SCP2: variants seen among roughly 807,000 people sequenced by gnomAD.
SCP2 encodes SCP-2/3-oxoacyl-CoA thiolase.
SCP2 carries 48 observed loss-of-function variants against 71.4 expected under a neutral mutation model. That is an observed-to-expected ratio of 0.67 (90% CI 0.53 to 0.86). The LOEUF is 0.86. SCP2 is among the 40% of genes least tolerant of loss of function. The probability of loss-of-function intolerance (pLI) is 0.00; values close to 1 mark genes in which losing one functional copy is unlikely to be tolerated. For missense variants in SCP2, 560 were observed against 655.6 expected (o/e 0.85, Z 1.59); for synonymous variants, 220 against 218.1 (o/e 1.01, Z -0.08).
chr1:52,927,345 C>A lies in SCP2; in HGVS notation c.-52C>A. Reference sequence around the variant, plus strand: ...GAGCTCTGGTGCAGTCTCCGCCTGTCAGTGCCGGCAGTCGTCCGCGGCGCC... The same window carrying A: ...GAGCTCTGGTGCAGTCTCCGCCTGTAAGTGCCGGCAGTCGTCCGCGGCGCC... On this transcript the variant is annotated 5_prime_UTR_variant, in exon 1 of 16. Transcript: ENST00000371514. 2 of 1,455,962 alleles carry A rather than the reference C, an allele frequency of 1.4e-6. No homozygotes were observed. Among genetic ancestry groups the A allele is most frequent in the Non-Finnish European group, 9.4e-7 (1 of 1,061,990 alleles). The allele number at this position is 1,455,962 out of a possible 1,614,324, so 90.2% of individuals were successfully genotyped here.
In SCP2 at chr1:52,939,918, C is replaced by T. The variant is rs1418992533; in HGVS notation, c.70-1878C>T. On this transcript the variant is annotated intron_variant, in intron 1 of 15. Coordinates refer to ENST00000371514, the MANE Select transcript of SCP2 (RefSeq NM_002979.5). ...TTCCTGACCTCAAATGATCCACCCA[C>T]CTCGGCTTCCTAAAGTGCTGGGATT... is the stretch of plus-strand genomic sequence containing the variant. Among the ~76,000 whole-genome samples the T allele has an allele frequency of 5.9e-5, 9 of 152,256 alleles. 1 individual carries two copies. The East Asian group carries it at 1.4e-3, about 23-fold the overall frequency.
intron 12 of SCP2, among the ~76,000 whole-genome samples, chr1:53,021,593 TA>T (rs1453104527): frequency 6.6e-6 from 1 of 151,568 alleles, no homozygotes; most frequent in Non-Finnish European, 1.5e-5. Context: ...GTGCTGGGAT[TA>T]CAGGCATGAG....
Position 52,950,778 on chromosome 1 carries a change from G to A in SCP2, c.223G>A (p.Ala75Thr). ...AGGTGACTCTACCTGTGGGCAGAGG[G>A]CTATCTATCACAGTTTGGGAATGAC... ...VFGDSTCGQRAIYHSLGMTGI... is the reference protein window; with the variant it reads ...VFGDSTCGQRTIYHSLGMTGI... The change falls in exon 4 of 16, where the codon GCT becomes ACT. Residue 75 changes from alanine to threonine, a missense_variant. Ala to Thr is a moderately conservative substitution (Grantham distance 58). Around this residue, in one of 3 missense-constraint regions of SCP2, gnomAD observed 513 missense variants for 573.1 expected, o/e 0.90. Transcript: ENST00000371514. The A allele has an allele frequency of 6.2e-7, 1 of 1,613,586 alleles. No individual in the cohort carries two copies. Among genetic ancestry groups the A allele is most frequent in the Non-Finnish European group, 8.5e-7 (1 of 1,179,598 alleles).
intron 13 of SCP2, among the ~76,000 whole-genome samples, chr1:53,035,741 C>T (rs1470860183): frequency 6.6e-6 from 1 of 152,144 alleles, no homozygotes; most frequent in Non-Finnish European, 1.5e-5. Flanking sequence ...CAACAAGATG[C>T]TAACATTCAT....
chr1:52,944,330 T>C (rs984545263), intron 2 of SCP2, among the ~76,000 whole-genome samples: 5 of 152,214 alleles, frequency 3.3e-5, no homozygotes, highest in African/African-American at 1.2e-4. Context: ...TTTTTTGTTT[T>C]CTTTTTTCTC....
chr1:52,951,051 G>T (rs539521159), intron 4 of SCP2, among the ~76,000 whole-genome samples, 165 bp downstream of exon 4: 16 of 152,180 alleles, frequency 1.1e-4, no homozygotes, highest in African/African-American at 3.1e-4. Context: ...GAGGCCGAGG[G>T]GGGTGGATTG....
intron 2 of SCP2, chr1:52,943,745 C>T (rs879219192): frequency 2.4e-5 from 11 of 461,412 alleles, no homozygotes; most frequent in South Asian, 1.6e-4. Context: ...GGGAGGTTTG[C>T]GAATCAGTTT....
At chr1:53,033,737 G>A (rs571725816) in intron 13 of SCP2, among the ~76,000 whole-genome samples, 1 of 152,046 alleles carries the variant, frequency 6.6e-6, no homozygotes, top group South Asian at 2.1e-4. Flanking sequence ...GTGACATGAT[G>A]TAGCCACTTT....
chr1:53,013,882 CTTTTTTTTTTTTTT>C lies in SCP2; in HGVS notation c.1082-990_1082-977del, dbSNP rs71044449. On this transcript the variant is annotated intron_variant, in intron 11 of 15. Transcript: ENST00000371514. ...GACCAGTCTGCCCTGATAGAACATT[CTTTTTTTTTTTTTT>C]TTTTTTTTTTTTTTTTTGAGACGGA... Among the ~76,000 whole-genome samples the C allele has an allele frequency of 8.5e-3, 533 of 63,070 alleles. 4 individuals carry two copies. The highest frequency in any genetic ancestry group is 0.025 in the African/African-American group (505 of 19,986). The allele number at this position is 63,070 out of a possible 152,430, so 41.4% of individuals were successfully genotyped here. A position where few individuals can be genotyped will look rare whatever the true frequency, so the allele number is the denominator to read the frequency against.
intron 2 of SCP2, chr1:52,944,038 T>C (rs572317331): frequency 1.6e-3 from 309 of 191,042 alleles, no homozygotes; most frequent in Non-Finnish European, 3.0e-3. Flanking sequence ...CCTAAATAAA[T>C]GTTTTGGTTT....
At chr1:52,999,812 C>CTTTT (rs1557598899) in intron 11 of SCP2, among the ~76,000 whole-genome samples, 1 of 119,962 alleles carries the variant, frequency 8.3e-6, no homozygotes, top group African/African-American at 3.7e-5. Flanking sequence ...TTACTGAACA[C>CTTTT]TTGTTTTTTT....
intron 1 of SCP2, among the ~76,000 whole-genome samples, chr1:52,937,437 T>A (rs913828025): frequency 1.5e-4 from 23 of 152,194 alleles, no homozygotes; most frequent in Non-Finnish European, 2.9e-4. Flanking sequence ...CCCTCTTGTG[T>A]CCTCTTCCAG....
At chr1:53,031,044 T>G (rs936041620) in intron 13 of SCP2, among the ~76,000 whole-genome samples, 6 of 152,136 alleles carry the variant, frequency 3.9e-5, no homozygotes, top group Non-Finnish European at 8.8e-5. Context: ...AAAGTTTTGG[T>G]TTTTAAAAAT....
chr1:53,041,404 G>GAAA (rs59762469), intron 14 of SCP2, among the ~76,000 whole-genome samples: 2 of 132,924 alleles, frequency 1.5e-5, no homozygotes, highest in Admixed American at 7.4e-5. Flanking sequence ...TCTGTCTTGA[G>GAAA]AAAAAAAAAA....
intron 12 of SCP2, among the ~76,000 whole-genome samples, chr1:53,020,762 CTTTG>C (rs1356883298): frequency 3.9e-5 from 6 of 152,144 alleles, no homozygotes; most frequent in Non-Finnish European, 7.3e-5. Flanking sequence ...TATGAGGTTT[CTTTG>C]TTTGTCTTCC....
intron 11 of SCP2, among the ~76,000 whole-genome samples, chr1:53,011,775 A>G (rs534395845): frequency 2.6e-5 from 4 of 152,200 alleles, no homozygotes; most frequent in Non-Finnish European, 5.9e-5. Context: ...TCGATTTGCT[A>G]TTTGGGGGAA....
chr1:53,007,515 T>C (rs915617476), intron 11 of SCP2, among the ~76,000 whole-genome samples: 3 of 152,188 alleles, frequency 2.0e-5, no homozygotes, highest in Non-Finnish European at 2.9e-5. Flanking sequence ...AACAGCCTGC[T>C]CCTGAATGAC....
intron 6 of SCP2, among the ~76,000 whole-genome samples, chr1:52,967,709 G>A (rs764113687): frequency 6.6e-6 from 1 of 152,172 alleles, no homozygotes; most frequent in African/African-American, 2.4e-5. Context: ...TAGTGAACAA[G>A]CACCCTGAGC....
At chr1:52,953,655 C>T (rs1655519262) in intron 4 of SCP2, among the ~76,000 whole-genome samples, 1 of 151,990 alleles carries the variant, frequency 6.6e-6, no homozygotes, top group East Asian at 1.9e-4. Flanking sequence ...CCGATTTTTC[C>T]TCTTATCTAG....
Sources: allele counts gnomAD v4.1 joint callset (sites outside exome capture counted in the v4.1 genomes callset), GRCh38; gene constraint gnomAD v4.1.1; regional missense constraint gnomAD v4.1.1; transcripts MANE v1.5; gene names NCBI Gene and HGNC (gene_info 2026-07-23, HGNC 2026-07-21).